The following ADRA1A variants were observed in gnomAD, a reference collection of about 807,000 sequenced individuals.
The protein encoded by ADRA1A is adrenoceptor alpha 1A.
ADRA1A carries 31 observed loss-of-function variants against 29.6 expected under a neutral mutation model. That is an observed-to-expected ratio of 1.05 (90% confidence interval 0.79 to 1.41). The LOEUF is 1.41. Among genes scored for constraint, ADRA1A ranks in the 40% most tolerant of loss-of-function variants. The pLI is 0.00. For missense variants in ADRA1A, 619 were observed against 601.1 expected, an observed-to-expected ratio of 1.03 and a Z score of -0.31; for synonymous variants, 311 against 254.3, an observed-to-expected ratio of 1.22 and a Z score of -2.12.
intron 2 of ADRA1A, among the ~76,000 whole-genome samples, chr8:26,810,961 C>T (rs1404318729): frequency 6.6e-6 from 1 of 152,132 alleles, no homozygotes; most frequent in Admixed American, 6.5e-5. Flanking sequence ...TCATCATTTC[C>T]CACATTTGTG....
downstream of ADRA1A, among the ~76,000 whole-genome samples, chr8:26,754,143 A>C (rs892965464): frequency 6.6e-6 from 1 of 152,200 alleles, no homozygotes; most frequent in Non-Finnish European, 1.5e-5. Flanking sequence ...GAAACACTTA[A>C]ACAGCACATT....
At chr8:26,795,955 A>G (rs149135960) in intron 2 of ADRA1A, among the ~76,000 whole-genome samples, 2 of 152,174 alleles carry the variant, frequency 1.3e-5, no homozygotes, top group East Asian at 3.8e-4. Flanking sequence ...TTTGGATCTC[A>G]ATTCAAATAA....
At chr8:26,764,978 A>G (rs1206081643), downstream of ADRA1A, among the ~76,000 whole-genome samples, 1 of 152,228 alleles carries the variant, frequency 6.6e-6, no homozygotes, top group Non-Finnish European at 1.5e-5. Flanking sequence ...AGAGAGAGAA[A>G]AAGTAAAGTA....
At chr8:26,789,776 G>C (rs1807679848) in intron 2 of ADRA1A, among the ~76,000 whole-genome samples, 1 of 152,114 alleles carries the variant, frequency 6.6e-6, no homozygotes, top group Non-Finnish European at 1.5e-5. Flanking sequence ...AGTGAAAAAT[G>C]TGATAATCCA....
At chr8:26,859,677 G>A (rs887195357) in intron 2 of ADRA1A, among the ~76,000 whole-genome samples, 6 of 152,070 alleles carry the variant, frequency 3.9e-5, no homozygotes, top group African/African-American at 1.4e-4. Context: ...GAGAGCCACA[G>A]ACTGGCAGGT....
chr8:26,830,748 A>C (rs566745492), intron 2 of ADRA1A, among the ~76,000 whole-genome samples: 1 of 152,214 alleles, frequency 6.6e-6, no homozygotes, highest in Non-Finnish European at 1.5e-5. Flanking sequence ...CCTAGGGGAA[A>C]GCATGATTCA....
chr8:26,837,955 T>C (rs1385097116), intron 2 of ADRA1A, among the ~76,000 whole-genome samples: 1 of 152,222 alleles, frequency 6.6e-6, no homozygotes, highest in Non-Finnish European at 1.5e-5. Context: ...AATTGTCTTT[T>C]AGTGATTGTA....
At position 26,806,486 on chromosome 8, in the gene ADRA1A, C is replaced by A. The variant is rs1585729784; in HGVS notation, c.884-35820G>T. ...ATGGAATGTAAGTGCAATGCCAGAGCCTGGTAAAAATAGAAACTCCAGTGT... is the reference window on the plus strand; with the variant it reads ...ATGGAATGTAAGTGCAATGCCAGAGACTGGTAAAAATAGAAACTCCAGTGT... On this transcript the variant is annotated intron_variant, in intron 2 of 2. Transcript: ENST00000380573. This position sits in a 1 kb window ranked among gnomAD's most constrained non-coding sequence, Gnocchi z 4.6. 6.6e-6 allele frequency among the ~76,000 whole-genome samples: 1 copy of A among 152,156 alleles called. No individual in the cohort carries two copies. The highest frequency in any genetic ancestry group is 2.4e-5 in the African/African-American group (1 of 41,516).
At chr8:26,757,077 C>G (rs1458414540) in intron 2 of ADRA1A, 1 of 702,848 alleles carries the variant, frequency 1.4e-6, no homozygotes, top group South Asian at 1.5e-5. Flanking sequence ...TTTGGGCCAA[C>G]ACCAATCCGT....
intron 2 of ADRA1A, among the ~76,000 whole-genome samples, chr8:26,813,987 G>T (rs1416013330): frequency 3.9e-5 from 6 of 152,148 alleles, no homozygotes; most frequent in African/African-American, 7.2e-5. Flanking sequence ...GCCAAGCTTT[G>T]TAACTTGGGG....
intron 2 of ADRA1A, among the ~76,000 whole-genome samples, chr8:26,803,542 G>C (rs889829059): frequency 3.9e-5 from 6 of 152,144 alleles, no homozygotes; most frequent in African/African-American, 1.4e-4. Flanking sequence ...TCCTGGATAA[G>C]ACTTGGAAAG....
At position 26,785,059 on chromosome 8, in the gene ADRA1A, G is replaced by A. The variant is rs115466373; in HGVS notation, c.884-14393C>T. On this transcript the variant is annotated intron_variant, in intron 2 of 2. Coordinates refer to ENST00000380573, the MANE Select transcript of ADRA1A (RefSeq NM_000680.4). ...CTTATTGAGAAAGCAAAAATTATTG[G>A]TGGAGAGAAAGTTGATTGTTTTTTG... Among the ~76,000 whole-genome samples the A allele has an allele frequency of 3.5e-3, 540 of 152,252 alleles. 3 individuals are homozygous for A. The highest frequency in any genetic ancestry group is 0.012 in the African/African-American group (512 of 41,542).
Position 26,779,035 on chromosome 8 carries a change from A to G in ADRA1A, c.884-8369T>C, listed in dbSNP as rs1806759593. Reference sequence around the variant, plus strand: ...CCAGTCTAAAGAAGAGTAATCTTCAAACTCACACCTGCTGAATGGCTTATT... The same window carrying G: ...CCAGTCTAAAGAAGAGTAATCTTCAGACTCACACCTGCTGAATGGCTTATT... On this transcript the variant is annotated intron_variant, in intron 2 of 2. Transcript: ENST00000380573. The G allele has an allele frequency of 1.5e-5, 4 of 264,044 alleles. No individual in the cohort carries two copies. In the East Asian group the frequency reaches 2.9e-4, roughly 19 times the overall value. 16.4% of individuals were successfully genotyped at this position (264,044 alleles called of 1,614,324 possible).
intron 2 of ADRA1A, among the ~76,000 whole-genome samples, chr8:26,824,827 C>T (rs985423911): frequency 4.6e-5 from 7 of 152,188 alleles, no homozygotes; most frequent in Non-Finnish European, 1.0e-4. Flanking sequence ...CACTTAAACA[C>T]TAATTGCAGG....
intron 2 of ADRA1A, among the ~76,000 whole-genome samples, chr8:26,840,238 G>A (rs1278223449): frequency 6.6e-6 from 1 of 152,234 alleles, no homozygotes; most frequent in African/African-American, 2.4e-5. Context: ...GACTTTGAGA[G>A]GATGGGAGAC....
chr8:26,845,404 A>G (rs1299963901), intron 2 of ADRA1A, among the ~76,000 whole-genome samples: 1 of 152,234 alleles, frequency 6.6e-6, no homozygotes, highest in Non-Finnish European at 1.5e-5. Flanking sequence ...TTTCACACCC[A>G]CTAGGATGGA....
intron 2 of ADRA1A, among the ~76,000 whole-genome samples, chr8:26,808,071 C>G (rs1345572275): frequency 6.6e-6 from 1 of 152,212 alleles, no homozygotes; most frequent in African/African-American, 2.4e-5. Context: ...AAATTATACC[C>G]TAAGGTGTTA....
chr8:26,829,447 C>T (rs150535975), intron 2 of ADRA1A, among the ~76,000 whole-genome samples: 24 of 152,238 alleles, frequency 1.6e-4, no homozygotes, highest in African/African-American at 5.5e-4. Context: ...GATCCCAATC[C>T]ATCTCATATT....
intron 2 of ADRA1A, among the ~76,000 whole-genome samples, chr8:26,797,009 A>G (rs1166367157): frequency 6.6e-6 from 1 of 152,216 alleles, no homozygotes; most frequent in Non-Finnish European, 1.5e-5. Flanking sequence ...CAAGGTGAAC[A>G]ATATGTTCAC....
Sources: gnomAD v4.1 joint callset for allele counts (sites outside exome capture counted in the v4.1 genomes callset) on GRCh38, gnomAD v4.1.1 for gene constraint, Gnocchi (gnomAD v3.1) non-coding constraint, MANE v1.5 for transcripts, NCBI Gene and HGNC (gene_info 2026-07-23, HGNC 2026-07-21) for gene names.